Variants in SLC36A1 observed in about 807,000 individuals in gnomAD.
The protein encoded by SLC36A1 is solute carrier family 36 member 1.
In SLC36A1, 30 loss-of-function variants were observed where a neutral mutation model predicts 47.5. The ratio of observed to expected loss-of-function variants is 0.63; its 90% CI spans 0.47 to 0.86. The LOEUF is 0.86. Ranked by LOEUF, SLC36A1 falls within the 40% of genes least tolerant of loss-of-function variation. The pLI is 0.00. For synonymous variants in SLC36A1, 255 were observed against 249.7 expected (o/e 1.02, Z -0.20); for missense variants, 517 against 606.0 (o/e 0.85, Z 1.54).
At chr5:151,540,839 A>G in the SLC36A1 span, 1 of 1,316,574 alleles carries the variant, frequency 7.6e-7, no homozygotes, top group East Asian at 2.4e-5. Flanking sequence ...GTGGCTGCCC[A>G]TTGGATGCAT....
At position 151,465,281 on chromosome 5, in the gene SLC36A1, A is replaced by G. The variant is rs1293144999; in HGVS notation, c.419+112A>G. The G allele has an allele frequency of 3.5e-6, 3 of 858,880 alleles. No homozygotes were observed. In the African/African-American group the frequency reaches 5.0e-5, roughly 14 times the overall value. 53.2% of individuals were successfully genotyped at this position (858,880 alleles called of 1,614,324 possible). A position where few individuals can be genotyped will look rare whatever the true frequency, so the allele number is the denominator to read the frequency against. On this transcript the variant is annotated intron_variant, in intron 5 of 10. Transcript: ENST00000243389. ...GCGTGGAAAGAGTGCTGTTTGGGTC[A>G]GTTGCCTTGGGCTGTGGCTCAGCTC...
chr5:151,358,026 A>G, the SLC36A1 span, among the ~76,000 whole-genome samples: 3 of 152,254 alleles, frequency 2.0e-5, no homozygotes, highest in Non-Finnish European at 4.4e-5. Flanking sequence ...AGTGAAGGAC[A>G]GAGAGAACTT....
Position 151,488,079 on chromosome 5 carries a change from T to C in SLC36A1, c.1256T>C (p.Leu419Pro), listed in dbSNP as rs752345867. ...SALALIIPPL[L>P]EVTTFYSEGM... is the part of the protein sequence containing the mutation. ...CTGGCCCTCATCATCCCACCGCTCC[T>C]GGAGGTCACCACCTTCTACTCAGAG... The change falls in exon 11 of 11, where the codon CTG becomes CCG. Residue 419 changes from leucine (L) to proline (P), a missense_variant. Transcript: ENST00000243389. The C allele has an allele frequency of 1.9e-6, 3 of 1,614,062 alleles. No homozygotes were observed. Among genetic ancestry groups the C allele is most frequent in the Non-Finnish European group, 1.7e-6 (2 of 1,180,022 alleles).
the SLC36A1 span, among the ~76,000 whole-genome samples, chr5:151,361,689 A>G: frequency 6.6e-6 from 1 of 152,150 alleles, no homozygotes; most frequent in Non-Finnish European, 1.5e-5. Flanking sequence ...ATAGCTTCAA[A>G]TGTTTTCTTT....
rs1759834882 is a variant in SLC36A1, at chr5:151,488,317, C to T, written c.*63C>T. 2 of 1,569,252 alleles carry T rather than the reference C, an allele frequency of 1.3e-6. No homozygotes were observed. Among genetic ancestry groups the T allele is most frequent in the Non-Finnish European group, 1.7e-6 (2 of 1,153,166 alleles). On this transcript the variant is annotated 3_prime_UTR_variant, in exon 11 of 11. Coordinates refer to ENST00000243389, the MANE Select transcript of SLC36A1 (RefSeq NM_078483.4). ...CCATGTGTCCCCCGTTACCTGTCCT[C>T]AGAGCCTCAGGTATGGTCCAGGCTC...
the SLC36A1 span, chr5:151,540,804 G>A: frequency 1.3e-6 from 2 of 1,562,946 alleles, no homozygotes; most frequent in Non-Finnish European, 1.7e-6. Context: ...CAAGCAATAG[G>A]AATGAACTAG....
chr5:151,481,312 C>G (rs1271221651), intron 10 of SLC36A1, among the ~76,000 whole-genome samples: 2 of 151,964 alleles, frequency 1.3e-5, no homozygotes, highest in African/African-American at 4.8e-5. Context: ...AAAGGCAGCC[C>G]CCTTTATGTC....
the SLC36A1 span, chr5:151,347,336 G>T: frequency 5.6e-6 from 9 of 1,614,092 alleles, no homozygotes. Flanking sequence ...TGACTCTGAA[G>T]GACTTTCATC....
the SLC36A1 span, among the ~76,000 whole-genome samples, chr5:151,385,624 T>C: frequency 2.6e-5 from 4 of 152,132 alleles, no homozygotes; most frequent in South Asian, 6.2e-4. Context: ...GGCAGCTCTT[T>C]GTTGGCAGAA....
chr5:151,479,679 TG>T, intron 10 of SLC36A1, 190 bp downstream of exon 10: 1 of 596,070 alleles, frequency 1.7e-6, no homozygotes, highest in East Asian at 2.8e-5. Context: ...ACATATGTAC[TG>T]TAAAGAACAT....
the SLC36A1 span, among the ~76,000 whole-genome samples, chr5:151,368,400 G>T: frequency 1.3e-5 from 2 of 152,190 alleles, no homozygotes; most frequent in Non-Finnish European, 2.9e-5. Context: ...ATTAAAATGT[G>T]TTTTCTTTTG....
At chr5:151,424,614 C>T in the SLC36A1 span, among the ~76,000 whole-genome samples, 1 of 152,076 alleles carries the variant, frequency 6.6e-6, no homozygotes, top group African/African-American at 2.4e-5. Context: ...TTTCATGAGT[C>T]TTATGGAATT....
At chr5:151,420,022 A>G in the SLC36A1 span, 1 of 152,272 alleles carries the variant, frequency 6.6e-6, no homozygotes, top group Non-Finnish European at 1.5e-5. Flanking sequence ...TAGGTTCAGA[A>G]GTATAACATA....
At chr5:151,499,215 A>G in the SLC36A1 span, among the ~76,000 whole-genome samples, 4 of 152,238 alleles carry the variant, frequency 2.6e-5, no homozygotes, top group South Asian at 8.3e-4. Flanking sequence ...GTCTTTTTGC[A>G]GCTGGATGCC....
In SLC36A1 at chr5:151,488,755, C is replaced by CA. The variant is rs754627333; in HGVS notation, c.*502dup. The CA allele has an allele frequency of 8.0e-4, 130 of 162,738 alleles. No homozygotes were observed. The highest frequency in any genetic ancestry group is 1.5e-3 in the Non-Finnish European group (111 of 73,474). 10.1% of individuals were successfully genotyped at this position (162,738 alleles called of 1,614,324 possible). A position where few individuals can be genotyped will look rare whatever the true frequency, so the allele number is the denominator to read the frequency against. On this transcript the variant is annotated 3_prime_UTR_variant, in exon 11 of 11. Coordinates refer to ENST00000243389, the MANE Select transcript of SLC36A1 (RefSeq NM_078483.4). ...TCAGTATTCTTCCTATTCGAGTCTCCAGGGGGTGGCTGGACCTACCTGGTC... is the reference window on the plus strand; with the variant it reads ...TCAGTATTCTTCCTATTCGAGTCTCCAAGGGGGTGGCTGGACCTACCTGGTC...
At chr5:151,383,730 G>C in the SLC36A1 span, among the ~76,000 whole-genome samples, 1,633 of 151,936 alleles carry the variant, frequency 0.011, 67 homozygotes, top group East Asian at 0.14. Context: ...CTGGCATCAC[G>C]CCTGGCTAAT....
chr5:151,385,238 C>T, the SLC36A1 span, among the ~76,000 whole-genome samples: 1 of 152,186 alleles, frequency 6.6e-6, no homozygotes, highest in African/African-American at 2.4e-5. Context: ...TTCTTTGAGA[C>T]TTGGAAATGA....
chr5:151,535,295 TCTC>T, the SLC36A1 span, among the ~76,000 whole-genome samples: 1 of 151,984 alleles, frequency 6.6e-6, no homozygotes, highest in African/African-American at 2.4e-5. Flanking sequence ...TCTTTGACCT[TCTC>T]CTGCTCTCCT....
the SLC36A1 span, chr5:151,381,974 G>C: frequency 1.2e-5 from 6 of 519,212 alleles, no homozygotes; most frequent in Non-Finnish European, 2.1e-5. Context: ...TGAACCCCTT[G>C]GGGGGTTACA....
Sources: allele counts gnomAD v4.1 joint callset (sites outside exome capture counted in the v4.1 genomes callset), GRCh38; gene constraint gnomAD v4.1.1; transcripts MANE v1.5; gene names NCBI Gene and HGNC (gene_info 2026-07-23, HGNC 2026-07-21).